Variants in DHRS12 observed in about 807,000 individuals in gnomAD.
DHRS12 encodes the protein dehydrogenase/reductase SDR family member 12.
A neutral mutation model predicts 32.1 loss-of-function variants in DHRS12; 29 were observed. That is an observed-to-expected ratio of 0.90 (90% CI 0.67 to 1.23). The LOEUF is 1.23. Ranked by LOEUF, DHRS12 falls within the 50% of genes most tolerant of loss-of-function variation. The pLI, the probability that DHRS12 is intolerant of heterozygous loss-of-function variation, is 0.00. For synonymous variants in DHRS12, 150 were observed against 135.9 expected (o/e 1.10, Z -0.72); for missense variants, 330 against 337.2 (o/e 0.98, Z 0.17).
At chr13:51,767,986 G>A (rs558630309), downstream of DHRS12, 11 of 1,381,852 alleles carry the variant, frequency 8.0e-6, 1 homozygote, top group South Asian at 1.2e-4. Context: ...AGAACCTGCT[G>A]CAGGAGTTCA....
intron 2 of DHRS12, chr13:51,798,032 G>C: frequency 2.1e-6 from 2 of 964,446 alleles, no homozygotes; most frequent in Non-Finnish European, 3.1e-6. Flanking sequence ...CTAGATGGGT[G>C]GTTCCCAGAG....
At chr13:51,801,862 ACATTAGCCT>A (rs780464072) in intron 1 of DHRS12, among the ~76,000 whole-genome samples, 30 of 152,284 alleles carry the variant, frequency 2.0e-4, no homozygotes, top group Admixed American at 6.5e-4. Context: ...GTCAGAGGGG[ACATTAGCCT>A]CTGGGCTCCA....
At chr13:51,780,143 T>C (rs912208261) in intron 4 of DHRS12, among the ~76,000 whole-genome samples, 11 of 152,140 alleles carry the variant, frequency 7.2e-5, no homozygotes, top group South Asian at 4.2e-4. Context: ...TGCCACTGCA[T>C]TCCAGCTTGG....
chr13:51,784,268 A>C (rs1172685481), intron 4 of DHRS12, among the ~76,000 whole-genome samples: 1 of 152,194 alleles, frequency 6.6e-6, no homozygotes, highest in Admixed American at 6.5e-5. Context: ...AGGCACACAG[A>C]GGGGTCCATG....
rs1954783882 is a variant in DHRS12, at chr13:51,782,895, T to A, written c.302-5774A>T. On this transcript the variant is annotated intron_variant, in intron 4 of 8. Coordinates refer to ENST00000444610, the MANE Select transcript of DHRS12 (RefSeq NM_001377533.1). This position sits in a 1 kb window ranked among gnomAD's most constrained non-coding sequence, Gnocchi z 4.2. ...ACCAAATCCCAGCCAGGTAATTAGG[T>A]AAGGTCCTGGCCCACAGGAGGACTT... 6.6e-6 allele frequency among the ~76,000 whole-genome samples: 1 copy of A among 152,092 alleles called. No homozygotes were observed. Among genetic ancestry groups the A allele is most frequent in the African/African-American group, 2.4e-5 (1 of 41,410 alleles).
chr13:51,786,413 T>C (rs1048828204), intron 4 of DHRS12, among the ~76,000 whole-genome samples: 2 of 152,142 alleles, frequency 1.3e-5, no homozygotes, highest in Non-Finnish European at 2.9e-5. Context: ...GGACTCTTAA[T>C]GCCACTGAAT....
chr13:51,797,939 T>G lies in DHRS12; in HGVS notation c.126+1595A>C. On this transcript the variant is annotated intron_variant, in intron 2 of 8. Transcript: ENST00000444610. ...GGAATTCAATGAAACCATCTGTGAG[T>G]TACAGCGAGAGCTACAGAAACCAGC... is the stretch of plus-strand genomic sequence containing the variant. The G allele has an allele frequency of 3.3e-6, 5 of 1,532,172 alleles. No homozygotes were observed. In the South Asian group the frequency reaches 4.8e-5, roughly 15 times the overall value. The allele number at this position is 1,532,172 out of a possible 1,614,324, so 94.9% of individuals were successfully genotyped here.
intron 4 of DHRS12, among the ~76,000 whole-genome samples, chr13:51,777,687 A>ATG (rs1034613646): frequency 6.6e-6 from 1 of 152,222 alleles, no homozygotes; most frequent in African/African-American, 2.4e-5. Flanking sequence ...CCTAATATAT[A>ATG]TGGAATGAGA....
rs1462011960 is a variant in DHRS12 at position 51,789,962 on chromosome 13, T to C, written c.301+49A>G. 5.1e-6 allele frequency: 8 copies of C among 1,555,996 alleles called. No homozygotes were observed. The African/African-American group carries it at 9.8e-5, about 19-fold the overall frequency. The stretch of plus-strand genomic sequence containing the variant: ...TTTTTTTTTACCCTTCTATGGTACA[T>C]TCTATGTTTATTTTGCTAAAAACAA... On this transcript the variant is annotated intron_variant, in intron 4 of 8. Coordinates refer to ENST00000444610, the MANE Select transcript of DHRS12 (RefSeq NM_001377533.1).
intron 4 of DHRS12, 78 bp from the exon 5 acceptor site, chr13:51,777,199 A>G: frequency 6.5e-7 from 1 of 1,548,422 alleles, no homozygotes; most frequent in South Asian, 1.1e-5. Flanking sequence ...TGATGTGGGG[A>G]CTGTCTGCCC....
intron 7 of DHRS12, chr13:51,771,581 C>T: frequency 6.4e-7 from 1 of 1,556,288 alleles, no homozygotes; most frequent in Admixed American, 1.8e-5. Context: ...GCACCTGCTC[C>T]CGTTCCCACC....
At chr13:51,796,943 A>C (rs1955536213) in intron 2 of DHRS12, among the ~76,000 whole-genome samples, 1 of 152,202 alleles carries the variant, frequency 6.6e-6, no homozygotes, top group African/African-American at 2.4e-5. Flanking sequence ...AAAATATTCC[A>C]TCCTAGAGAG....
At position 51,770,875 on chromosome 13, in the gene DHRS12, G is replaced by T. The variant is rs527821965; in HGVS notation, c.559+946C>A. 2.8e-5 allele frequency: 32 copies of T among 1,132,140 alleles called. No homozygotes were observed. In the Admixed American group the frequency reaches 1.3e-3, roughly 45 times the overall value. The allele number at this position is 1,132,140 out of a possible 1,614,324, so 70.1% of individuals were successfully genotyped here. ...GAGTCTTCAGCCCTGAACAGATTTT[G>T]CACAGGTGTTCTATAATTTATTAAC... On this transcript the variant is annotated intron_variant, in intron 7 of 8. Transcript: ENST00000444610.
chr13:51,789,813 C>A (rs1406947711), intron 4 of DHRS12, 198 bp downstream of exon 4: 1 of 985,174 alleles, frequency 1.0e-6, no homozygotes, highest in Non-Finnish European at 1.2e-6. Context: ...ATTTCTGGCA[C>A]CAACACCTAT....
intron 4 of DHRS12, among the ~76,000 whole-genome samples, chr13:51,784,641 T>C (rs2139170807): frequency 6.6e-6 from 1 of 152,264 alleles, no homozygotes; most frequent in Admixed American, 6.5e-5. Context: ...GAAGGAGATA[T>C]TAGGAACAAA....
At chr13:51,775,935 AC>A (rs1954336275) in intron 5 of DHRS12, 4 of 144,404 alleles carry the variant, frequency 2.8e-5, no homozygotes, top group African/African-American at 1.1e-4. Context: ...TCCTACATGT[AC>A]TCTACAGTAT....
intron 2 of DHRS12, among the ~76,000 whole-genome samples, chr13:51,798,832 G>A (rs1431580949): frequency 1.3e-5 from 2 of 152,226 alleles, no homozygotes; most frequent in African/African-American, 4.8e-5. Context: ...GCTCTGGAGA[G>A]ATGCAGCAAA....
intron 2 of DHRS12, among the ~76,000 whole-genome samples, chr13:51,796,303 C>A (rs1322938052): frequency 2.0e-5 from 3 of 152,188 alleles, no homozygotes; most frequent in Middle Eastern, 3.2e-3. Flanking sequence ...GGAGGAGACA[C>A]TGAGTCAGGG....
Position 51,776,140 on chromosome 13 carries a change from AT to A in DHRS12, c.363+919del, listed in dbSNP as rs1183326036. 1.9e-4 allele frequency: 18 copies of A among 95,274 alleles called. 1 individual carries two copies. The highest frequency in any genetic ancestry group is 9.2e-4 in the African/African-American group (17 of 18,502). 5.9% of individuals were successfully genotyped at this position (95,274 alleles called of 1,614,324 possible). ...CATGTATTCTACAGTATTCTCCTAC[AT>A]GTATTCTCCTACATGTATTCTACAG... On this transcript the variant is annotated intron_variant, in intron 5 of 8. Transcript: ENST00000444610.
Sources: gnomAD v4.1 joint callset for allele counts (sites outside exome capture counted in the v4.1 genomes callset) on GRCh38, gnomAD v4.1.1 for gene constraint, Gnocchi (gnomAD v3.1) non-coding constraint, MANE v1.5 for transcripts, NCBI Gene and HGNC (gene_info 2026-07-23, HGNC 2026-07-21) for gene names.